ANKS1B: variants seen among roughly 807,000 people sequenced by gnomAD.
The protein encoded by ANKS1B is ankyrin repeat and sterile alpha motif domain containing 1B.
A neutral mutation model predicts 148.3 loss-of-function variants in ANKS1B; 36 were observed. The observed-to-expected ratio is 0.24, with a 90% CI of 0.19 to 0.32. ANKS1B has a LOEUF of 0.32. Ranked by LOEUF, ANKS1B falls within the 10% of genes least tolerant of loss-of-function variation. ANKS1B has a pLI of 1.00. For missense variants in ANKS1B, 1,157 were observed against 1,542.6 expected, an observed-to-expected ratio of 0.75 and a Z score of 4.19; for synonymous variants, 542 against 560.8, an observed-to-expected ratio of 0.97 and a Z score of 0.47.
intron 17 of ANKS1B, among the ~76,000 whole-genome samples, chr12:99,034,726 A>G (rs950971837): frequency 6.6e-6 from 1 of 152,208 alleles, no homozygotes; most frequent in Non-Finnish European, 1.5e-5. Flanking sequence ...CCAAGTATTT[A>G]AAAACTACTG....
intron 14 of ANKS1B, among the ~76,000 whole-genome samples, chr12:99,235,094 A>G (rs1318329309): frequency 6.6e-6 from 1 of 152,214 alleles, no homozygotes; most frequent in Non-Finnish European, 1.5e-5. Context: ...GAAAAATGAT[A>G]AATAAAGTCA....
rs117011355 is a variant in ANKS1B, at chr12:99,029,618, T to A, written c.2778+23539A>T. ...TAAAACATAGACTGGAGGAAGCCTC[T>A]TCCACAGGAAACTAACAATGCATAA... On this transcript the variant is annotated intron_variant, in intron 17 of 26. Transcript: ENST00000683438. 4.7e-3 allele frequency among the ~76,000 whole-genome samples: 713 copies of A among 152,344 alleles called. 1 individual carries two copies. The highest frequency in any genetic ancestry group is 8.3e-3 in the Admixed American group (127 of 15,306).
Position 99,984,229 on chromosome 12 carries a change from C to T in ANKS1B, c.9G>A (p.Lys3=). The T allele has an allele frequency of 1.2e-6, 2 of 1,613,294 alleles. No individual in the cohort carries two copies. The highest frequency in any genetic ancestry group is 8.5e-7 in the Non-Finnish European group (1 of 1,179,516). ...GAGCAGCTTCCAGCAGCTCCTGGTC[C>T]TTCCCCATAGTCTCTCACCGACTCC... The part of the protein sequence containing the change: MG[K]DQELLEAART... The change falls in exon 1 of 27, where the codon AAG becomes AAA. Residue 3 remains lysine (K), a synonymous_variant. Coordinates refer to ENST00000683438, the MANE Select transcript of ANKS1B (RefSeq NM_001352186.2).
chr12:99,005,129 G>A (rs1246394376), intron 17 of ANKS1B, among the ~76,000 whole-genome samples: 1 of 152,184 alleles, frequency 6.6e-6, no homozygotes, highest in African/African-American at 2.4e-5. Flanking sequence ...GTAGAAGAGA[G>A]GCAGACACCT....
chr12:99,514,816 G>T (rs1250672081), intron 9 of ANKS1B, among the ~76,000 whole-genome samples: 1 of 151,952 alleles, frequency 6.6e-6, no homozygotes, highest in African/African-American at 2.4e-5. Flanking sequence ...GGGAAACGTT[G>T]ACCTCAATAC....
rs193208847 is a variant in ANKS1B at position 98,786,727 on chromosome 12, T to A, written c.3343-4590A>T. Reference sequence around the variant, plus strand: ...GGAGCACTTCAGTTGTGAGCTGTAATGCTCTTTGAGTCTGGAGTGGTGTTA... The same window carrying A: ...GGAGCACTTCAGTTGTGAGCTGTAAAGCTCTTTGAGTCTGGAGTGGTGTTA... On this transcript the variant is annotated intron_variant, in intron 22 of 26. Transcript: ENST00000683438. 3.0e-4 allele frequency among the ~76,000 whole-genome samples: 45 copies of A among 152,322 alleles called. No individual in the cohort carries two copies. In the East Asian group the frequency reaches 7.3e-3, roughly 25 times the overall value.
intron 15 of ANKS1B, among the ~76,000 whole-genome samples, chr12:99,121,321 A>ATGTGTGTGTGTGTGTG (rs57560069): frequency 2.5e-4 from 36 of 142,856 alleles, no homozygotes; most frequent in African/African-American, 4.4e-4. Context: ...GTATGTAGGT[A>ATGTGTGTGTGTGTGTG]TGTGTGTGTG....
chr12:99,233,263 T>C (rs1201365508), intron 14 of ANKS1B, among the ~76,000 whole-genome samples: 2 of 152,096 alleles, frequency 1.3e-5, no homozygotes, highest in African/African-American at 4.8e-5. Context: ...ACCTAAACTG[T>C]AGTAGTACAG....
chr12:99,761,032 C>G lies in ANKS1B; in HGVS notation c.1128+11890G>C, dbSNP rs552705878. On this transcript the variant is annotated intron_variant, in intron 8 of 26. Coordinates refer to ENST00000683438, the MANE Select transcript of ANKS1B (RefSeq NM_001352186.2). Reference sequence around the variant, plus strand: ...CCCTGAATAGACCAATAATGAATTCCGAAATGGAATCAGTAATAAAAAGCC... The same window carrying G: ...CCCTGAATAGACCAATAATGAATTCGGAAATGGAATCAGTAATAAAAAGCC... Among the ~76,000 whole-genome samples the G allele has an allele frequency of 1.6e-4, 10 of 61,650 alleles. No individual in the cohort carries two copies. In the South Asian group the frequency reaches 5.1e-3, roughly 31 times the overall value. 40.4% of individuals were successfully genotyped at this position (61,650 alleles called of 152,430 possible).
chr12:99,338,046 C>T (rs539762286), intron 12 of ANKS1B, among the ~76,000 whole-genome samples: 3 of 152,138 alleles, frequency 2.0e-5, no homozygotes, highest in South Asian at 2.1e-4. Context: ...ATGATGTTCA[C>T]TCAAGGCCCA....
At chr12:99,047,314 C>T (rs939323206) in intron 17 of ANKS1B, among the ~76,000 whole-genome samples, 10 of 152,072 alleles carry the variant, frequency 6.6e-5, no homozygotes, top group Non-Finnish European at 1.5e-4. Context: ...GCAGGAGAAT[C>T]GCTTGAACCT....
chr12:99,134,645 T>TCTCTCACACACA (rs1380319841), intron 15 of ANKS1B, among the ~76,000 whole-genome samples: 12 of 105,102 alleles, frequency 1.1e-4, no homozygotes, highest in African/African-American at 1.9e-4. Flanking sequence ...TCTCTCTCTC[T>TCTCTCACACACA]CACACACACA....
At chr12:98,957,454 G>T (rs747602850) in intron 17 of ANKS1B, among the ~76,000 whole-genome samples, 1 of 151,748 alleles carries the variant, frequency 6.6e-6, no homozygotes, top group Non-Finnish European at 1.5e-5. Flanking sequence ...TTCACGCCAT[G>T]CTCCTGCCTT....
Position 99,504,457 on chromosome 12 carries a change from TGTGA to T in ANKS1B, c.1438+15_1438+18del, listed in dbSNP as rs1350124530. ...AGCAAGTAAATTGAATCAGGCCAATTGTGAGTAAGAGATATTACCAGTTCTTGGG... is the reference window on the plus strand; with the variant it reads ...AGCAAGTAAATTGAATCAGGCCAATTGTAAGAGATATTACCAGTTCTTGGG... On this transcript the variant is annotated intron_variant, in intron 10 of 26. Transcript: ENST00000683438. 7 of 1,606,334 alleles carry T rather than the reference TGTGA, an allele frequency of 4.4e-6. No homozygotes were observed. In the Admixed American group the frequency reaches 6.9e-5, roughly 16 times the overall value.
At chr12:99,794,165 G>C (rs1279541832) in intron 4 of ANKS1B, among the ~76,000 whole-genome samples, 1 of 151,842 alleles carries the variant, frequency 6.6e-6, no homozygotes, top group Non-Finnish European at 1.5e-5. Context: ...CAAATGTTAA[G>C]CAATAACAAA....
intron 15 of ANKS1B, among the ~76,000 whole-genome samples, chr12:99,111,643 A>C (rs935581812): frequency 1.3e-5 from 2 of 152,062 alleles, no homozygotes; most frequent in Non-Finnish European, 2.9e-5. Flanking sequence ...TGTATTCCTT[A>C]TAAGTATAAA....
chr12:99,912,751 T>TTA (rs1295531628), intron 1 of ANKS1B, among the ~76,000 whole-genome samples: 14 of 152,110 alleles, frequency 9.2e-5, no homozygotes, highest in Non-Finnish European at 1.8e-4. Context: ...AATACATTAT[T>TTA]TATATATATA....
chr12:99,110,840 T>C (rs1193192940), intron 15 of ANKS1B, among the ~76,000 whole-genome samples: 1 of 152,194 alleles, frequency 6.6e-6, no homozygotes, highest in Non-Finnish European at 1.5e-5. Flanking sequence ...TGATAAAAAC[T>C]ACTAAAATTG....
chr12:99,469,352 G>C (rs1399341183), intron 10 of ANKS1B, among the ~76,000 whole-genome samples: 2 of 151,376 alleles, frequency 1.3e-5, no homozygotes, highest in Non-Finnish European at 2.9e-5. Context: ...ATGACGAGTT[G>C]GTGGGTGCAG....
Sources: allele counts gnomAD v4.1 joint callset (sites outside exome capture counted in the v4.1 genomes callset), GRCh38; gene constraint gnomAD v4.1.1; transcripts MANE v1.5; gene names NCBI Gene and HGNC (gene_info 2026-07-23, HGNC 2026-07-21).